Variants in NPAS4 observed in about 807,000 individuals in gnomAD.
NPAS4 encodes neuronal PAS domain-containing protein 4.
NPAS4 carries 10 observed loss-of-function variants against 64.0 expected under a neutral mutation model. That is an observed-to-expected ratio of 0.16 (90% CI 0.10 to 0.26). NPAS4 has a LOEUF of 0.26. Among genes scored for constraint, NPAS4 ranks in the 10% least tolerant of loss-of-function variants. The probability of loss-of-function intolerance (pLI) is 1.00; values close to 1 mark genes in which losing one functional copy is unlikely to be tolerated. For missense variants in NPAS4, 886 were observed against 992.6 expected (o/e 0.89, Z 1.44); for synonymous variants, 441 against 411.7 (o/e 1.07, Z -0.86).
upstream of NPAS4, among the ~76,000 whole-genome samples, chr11:66,418,216 C>T (rs941956187): frequency 6.6e-6 from 1 of 152,206 alleles, no homozygotes; most frequent in South Asian, 2.1e-4. Flanking sequence ...ATGCCTCCCC[C>T]ATCTCAGGCT....
chr11:66,425,329 T>C, intron 7 of NPAS4, 59 bp downstream of exon 7: 1 of 1,015,144 alleles, frequency 9.9e-7, no homozygotes, highest in South Asian at 1.9e-5. Flanking sequence ...AAATGCTGGG[T>C]AGATTTAGGC....
At chr11:66,409,292 T>C in the NPAS4 span, 1 of 42,722 alleles carries the variant, frequency 2.3e-5, no homozygotes, top group Non-Finnish European at 4.3e-5. Flanking sequence ...CCCCCCACCC[T>C]CTATGGAGAC....
chr11:66,424,967 G>C lies in NPAS4; in HGVS notation c.2077G>C (p.Glu693Gln). ...SLDLKPWKCQ[E>Q]LDFLADPDNM... ...GGACCTGAAACCCTGGAAATGCCAG[G>C]AGCTGGACTTCCTGGCTGACCCTGA... The change falls in exon 7 of 8, where the codon GAG becomes CAG. Residue 693 changes from glutamate (E) to glutamine (Q), a missense_variant. By Grantham distance (29) the Glu-to-Gln change is conservative (BLOSUM62 2). Transcript: ENST00000311034. 1 of 1,614,158 alleles carries C rather than the reference G, an allele frequency of 6.2e-7. No individual in the cohort carries two copies.
Position 66,425,018 on chromosome 11 carries a change from G to T in NPAS4, c.2128G>T (p.Val710Leu), listed in dbSNP as rs145320434. ...PDNMFLEETP[V>L]EDIFMDLSTP... ...TAACATGTTCCTGGAAGAGACGCCC[G>T]TGGAAGACATCTTCATGGATCTCTC... The change falls in exon 7 of 8, where the codon GTG (valine) becomes TTG (leucine). Residue 710 changes from valine (V) to leucine (L), a missense_variant. Val to Leu is a conservative substitution (Grantham distance 32). This residue lies in a region of NPAS4 where 820 missense variants were observed against 855.5 expected (regional missense o/e 0.96). Transcript: ENST00000311034. 1.2e-6 allele frequency: 2 copies of T among 1,613,674 alleles called. No homozygotes were observed. The highest frequency in any genetic ancestry group is 2.7e-5 in the African/African-American group (2 of 74,916).
upstream of NPAS4, among the ~76,000 whole-genome samples, chr11:66,419,841 GA>G (rs1380107019): frequency 2.6e-5 from 4 of 152,230 alleles, no homozygotes; most frequent in East Asian, 3.9e-4. Context: ...CAAATGTGGA[GA>G]GGGGTGGAGG....
chr11:66,425,293 G>A (rs1347163390), intron 7 of NPAS4, 23 bp downstream of exon 7: 1 of 1,390,904 alleles, frequency 7.2e-7, no homozygotes. Flanking sequence ...AAAGGTCCAA[G>A]AACTCAAGTC....
At chr11:66,418,778 C>A (rs548401119), upstream of NPAS4, among the ~76,000 whole-genome samples, 16 of 152,302 alleles carry the variant, frequency 1.1e-4, no homozygotes, top group African/African-American at 3.8e-4. Flanking sequence ...AGGGGACAGT[C>A]AAAGAGTAGG....
intron 7 of NPAS4, 49 bp from the exon 8 acceptor site, chr11:66,425,912 G>A (rs1856832575): frequency 7.1e-7 from 1 of 1,413,852 alleles, no homozygotes. Context: ...AGGATCCTCT[G>A]TGCTAATTGG....
chr11:66,422,579 G>C lies in NPAS4; in HGVS notation c.430+26G>C, dbSNP rs374607165. On this transcript the variant is annotated intron_variant, in intron 3 of 7. Transcript: ENST00000311034. ...GTAAGGACTCCCTTCTCCCTTCCTC[G>C]GTCCAATTTCCCACCTGCTGCCCTT... 4.4e-6 allele frequency: 7 copies of C among 1,604,468 alleles called. No individual in the cohort carries two copies. In the South Asian group the frequency reaches 6.6e-5, roughly 15 times the overall value.
intron 1 of NPAS4, among the ~76,000 whole-genome samples, chr11:66,421,763 G>A (rs1856746256): frequency 6.6e-6 from 1 of 152,232 alleles, no homozygotes; most frequent in Non-Finnish European, 1.5e-5. Context: ...CGCTGCCCAT[G>A]GTGCTGACGG....
chr11:66,411,758 C>T, the NPAS4 span, among the ~76,000 whole-genome samples: 2 of 152,224 alleles, frequency 1.3e-5, no homozygotes, highest in Non-Finnish European at 2.9e-5. Context: ...GCATGGGGAG[C>T]ACCATTCTCC....
At chr11:66,425,837 C>A in intron 7 of NPAS4, 124 bp from the exon 8 acceptor site, 1 of 740,866 alleles carries the variant, frequency 1.3e-6, no homozygotes, top group Non-Finnish European at 2.4e-6. Context: ...GAGCCTCTGG[C>A]CATCATTTCA....
In NPAS4 at chr11:66,421,097, G is replaced by A; in HGVS notation, c.-83G>A. ...GCGAGCCTGAGCGAGAGACGGGGAA[G>A]CACGGAGGAGGAAGCCGCCGGTGCG... On this transcript the variant is annotated 5_prime_UTR_variant, in exon 1 of 8. Coordinates refer to ENST00000311034, the MANE Select transcript of NPAS4 (RefSeq NM_178864.4). The A allele has an allele frequency of 8.3e-7, 1 of 1,206,782 alleles. No individual in the cohort carries two copies. Among genetic ancestry groups the A allele is most frequent in the South Asian group, 1.4e-5 (1 of 72,010 alleles). 74.8% of individuals were successfully genotyped at this position (1,206,782 alleles called of 1,614,324 possible).
At chr11:66,419,345 C>A (rs1856703426), upstream of NPAS4, among the ~76,000 whole-genome samples, 4 of 152,166 alleles carry the variant, frequency 2.6e-5, no homozygotes, top group Admixed American at 1.3e-4. Flanking sequence ...CTAAGACATA[C>A]TTCTCCTCAG....
Position 66,425,043 on chromosome 11 carries a change from C to A in NPAS4, c.2153C>A (p.Ser718Tyr). The A allele has an allele frequency of 6.2e-7, 1 of 1,612,480 alleles. No homozygotes were observed. Among genetic ancestry groups the A allele is most frequent in the Non-Finnish European group, 8.5e-7 (1 of 1,179,172 alleles). The change falls in exon 7 of 8, where the codon TCT becomes TAT. Residue 718 changes from serine (S) to tyrosine (Y), a missense_variant. Around this residue, in one of 3 missense-constraint regions of NPAS4, gnomAD observed 820 missense variants for 855.5 expected, o/e 0.96. Transcript: ENST00000311034. Reference protein sequence around the residue: ...TPVEDIFMDLSTPDPSEEWGS... With the variant: ...TPVEDIFMDLYTPDPSEEWGS... ...GTGGAAGACATCTTCATGGATCTCTCTACCCCAGATCCCAGTGAGGAATGG... is the reference window on the plus strand; with the variant it reads ...GTGGAAGACATCTTCATGGATCTCTATACCCCAGATCCCAGTGAGGAATGG...
At chr11:66,411,625 C>T in the NPAS4 span, among the ~76,000 whole-genome samples, 2 of 152,200 alleles carry the variant, frequency 1.3e-5, no homozygotes, top group African/African-American at 4.8e-5. Flanking sequence ...TCCTGGTGCT[C>T]CTCCCCTCCC....
At chr11:66,418,569 G>A (rs563899578), upstream of NPAS4, among the ~76,000 whole-genome samples, 15 of 152,218 alleles carry the variant, frequency 9.9e-5, no homozygotes, top group East Asian at 2.7e-3. Context: ...GGGCGAACTA[G>A]GATGAGCCCT....
In NPAS4 at chr11:66,422,948, C is replaced by A; in HGVS notation, c.698+7C>A. On this transcript the variant is annotated splice_region_variant and intron_variant, in intron 4 of 7. Transcript: ENST00000311034. Reference sequence around the variant, plus strand: ...TACTGGACATCTCCGAGAGGTAAGCCTGGAGTGTTCAGATTCCAAGAGAAA... The same window carrying A: ...TACTGGACATCTCCGAGAGGTAAGCATGGAGTGTTCAGATTCCAAGAGAAA... 6.2e-7 allele frequency: 1 copy of A among 1,601,722 alleles called. No individual in the cohort carries two copies. Among genetic ancestry groups the A allele is most frequent in the Non-Finnish European group, 8.5e-7 (1 of 1,178,838 alleles).
At chr11:66,423,503 G>A in intron 5 of NPAS4, 75 bp from the exon 6 acceptor site, 1 of 1,556,290 alleles carries the variant, frequency 6.4e-7, no homozygotes, top group Non-Finnish European at 8.8e-7. Flanking sequence ...CAATTCAGTG[G>A]AGAGGTGACC....
Sources: gnomAD v4.1 joint callset for allele counts (sites outside exome capture counted in the v4.1 genomes callset) on GRCh38, gnomAD v4.1.1 for gene constraint, gnomAD v4.1.1 regional missense constraint, MANE v1.5 for transcripts, NCBI Gene and HGNC (gene_info 2026-07-23, HGNC 2026-07-21) for gene names.